The following TENM3 variants were observed in gnomAD, a reference collection of about 807,000 sequenced individuals.
TENM3 encodes teneurin transmembrane protein 3.
Under a neutral mutation model 255.1 loss-of-function variants are expected in TENM3, and 63 were observed. The observed-to-expected ratio is 0.25, with a 90% CI of 0.20 to 0.30. The LOEUF is 0.30. Ranked by LOEUF, TENM3 falls within the 10% of genes least tolerant of loss-of-function variation. TENM3 has a pLI of 1.00. For synonymous variants in TENM3, 1,306 were observed against 1,322.3 expected (o/e 0.99, Z 0.27); for missense variants, 2,929 against 3,461.1 (o/e 0.85, Z 3.86).
At chr4:182,178,325 A>G (rs943071788) in intron 1 of TENM3, among the ~76,000 whole-genome samples, 1 of 152,116 alleles carries the variant, frequency 6.6e-6, no homozygotes, top group Non-Finnish European at 1.5e-5. Context: ...TAGCCCAGGG[A>G]TAGAACTTTC....
At chr4:181,560,991 C>A in the TENM3 span, among the ~76,000 whole-genome samples, 1 of 152,148 alleles carries the variant, frequency 6.6e-6, no homozygotes, top group Admixed American at 6.5e-5. Flanking sequence ...GAGTCTCTGT[C>A]GCCCAGGCTG....
At chr4:181,634,591 T>C in the TENM3 span, among the ~76,000 whole-genome samples, 1 of 152,170 alleles carries the variant, frequency 6.6e-6, no homozygotes, top group Admixed American at 6.5e-5. Context: ...AGGATACATA[T>C]ATTTTAAGTC....
chr4:182,212,344 G>C (rs1290968442), intron 1 of TENM3, among the ~76,000 whole-genome samples: 4 of 152,140 alleles, frequency 2.6e-5, no homozygotes, highest in African/African-American at 9.7e-5. Flanking sequence ...GCAGAGAGTG[G>C]AACAAACAAC....
At chr4:181,492,519 G>T in the TENM3 span, among the ~76,000 whole-genome samples, 1 of 152,194 alleles carries the variant, frequency 6.6e-6, no homozygotes, top group East Asian at 1.9e-4. Flanking sequence ...TGGCAAGTTT[G>T]TTGTTCTGTT....
At chr4:182,401,455 G>T (rs928711685) in intron 3 of TENM3, among the ~76,000 whole-genome samples, 6 of 152,190 alleles carry the variant, frequency 3.9e-5, no homozygotes, top group Non-Finnish European at 7.3e-5. Context: ...CATGAAGCCA[G>T]AAGTCTCCTT....
chr4:182,214,051 T>C (rs1334114871), intron 1 of TENM3, among the ~76,000 whole-genome samples: 2 of 152,130 alleles, frequency 1.3e-5, no homozygotes, highest in Non-Finnish European at 2.9e-5. Flanking sequence ...ATCCCCCCGC[T>C]GCGGCCTCCC....
the TENM3 span, among the ~76,000 whole-genome samples, chr4:181,547,704 T>A: frequency 1.3e-5 from 2 of 152,186 alleles, no homozygotes; most frequent in Non-Finnish European, 2.9e-5. Context: ...AACAATGCCT[T>A]AGTTATAGTT....
chr4:182,263,720 T>C (rs1347474324), intron 1 of TENM3, among the ~76,000 whole-genome samples: 3 of 152,166 alleles, frequency 2.0e-5, no homozygotes, highest in Non-Finnish European at 4.4e-5. Flanking sequence ...GTGCTTTTTA[T>C]TCGCTCCTTT....
At chr4:181,886,477 T>C in the TENM3 span, among the ~76,000 whole-genome samples, 1 of 152,216 alleles carries the variant, frequency 6.6e-6, no homozygotes, top group African/African-American at 2.4e-5. Flanking sequence ...GTTCAATACA[T>C]GAAAATCATT....
At chr4:182,299,000 A>AAAAAAAAAAAAAAAAAAAAAAAAC in intron 1 of TENM3, among the ~76,000 whole-genome samples, 1 of 114,526 alleles carries the variant, frequency 8.7e-6, no homozygotes, top group Non-Finnish European at 1.8e-5. Context: ...AAAAAAAAAA[A>AAAAAAAAAAAAAAAAAAAAAAAAC]AAAAAAAAAA....
chr4:181,763,133 T>A, the TENM3 span, among the ~76,000 whole-genome samples: 2 of 152,186 alleles, frequency 1.3e-5, no homozygotes, highest in African/African-American at 4.8e-5. Flanking sequence ...ATCTTCTTTT[T>A]TATCTAAGAA....
At chr4:181,605,584 G>GAAAGAAAGAAAGATAGAAA in the TENM3 span, among the ~76,000 whole-genome samples, 2 of 69,142 alleles carry the variant, frequency 2.9e-5, 1 homozygote, top group Non-Finnish European at 6.0e-5. Context: ...GAGAAAGAAA[G>GAAAGAAAGAAAGATAGAAA]GAAAGAAAGA....
At chr4:181,947,939 T>C in the TENM3 span, among the ~76,000 whole-genome samples, 2 of 152,146 alleles carry the variant, frequency 1.3e-5, no homozygotes, top group African/African-American at 2.4e-5. Flanking sequence ...CGGCCGGCTT[T>C]CAATATTTCT....
the TENM3 span, among the ~76,000 whole-genome samples, chr4:181,641,805 CATATATATATATATATAT>C: frequency 4.8e-4 from 15 of 31,438 alleles, no homozygotes; most frequent in South Asian, 1.9e-3. Context: ...ACACACACAC[CATATATATATATATATAT>C]ATATATATAT....
chr4:182,242,303 G>T (rs113369806), upstream of TENM3, among the ~76,000 whole-genome samples: 5,909 of 151,932 alleles, frequency 0.039, 166 homozygotes, highest in Non-Finnish European at 0.05. Flanking sequence ...GTGAGAACAT[G>T]CGGTGTTTGT....
chr4:182,198,994 G>A (rs1754006299), intron 1 of TENM3, among the ~76,000 whole-genome samples: 1 of 152,142 alleles, frequency 6.6e-6, no homozygotes. Context: ...GCCTCATTTT[G>A]CAAACCAGAT....
intron 5 of TENM3, among the ~76,000 whole-genome samples, chr4:182,640,428 A>G (rs1403157978): frequency 3.3e-5 from 5 of 152,214 alleles, no homozygotes; most frequent in Admixed American, 6.5e-5. Flanking sequence ...AGCTAATTGC[A>G]TGATATGGTT....
intron 3 of TENM3, among the ~76,000 whole-genome samples, chr4:182,407,609 G>T (rs1388795943): frequency 1.3e-5 from 2 of 152,196 alleles, no homozygotes; most frequent in East Asian, 1.9e-4. Context: ...ATGAATGAAT[G>T]AATGAATTTT....
the TENM3 span, among the ~76,000 whole-genome samples, chr4:182,050,385 T>C: frequency 6.6e-6 from 1 of 152,182 alleles, no homozygotes; most frequent in African/African-American, 2.4e-5. Context: ...AGTTCTCAGA[T>C]TGTTAAGGGA....
Sources: allele counts gnomAD v4.1 joint callset (sites outside exome capture counted in the v4.1 genomes callset), GRCh38; gene constraint gnomAD v4.1.1; transcripts MANE v1.5; gene names NCBI Gene and HGNC (gene_info 2026-07-23, HGNC 2026-07-21).